Variants in PCDHA2 observed in about 807,000 individuals in gnomAD.
The protein encoded by PCDHA2 is protocadherin alpha 2.
In PCDHA2, 58 loss-of-function variants were observed where a neutral mutation model predicts 66.0. That is an observed-to-expected ratio of 0.88 (90% CI 0.71 to 1.09). The LOEUF is 1.09. PCDHA2 is among the 50% of genes least tolerant of loss of function. PCDHA2 has a pLI of 0.00. For missense variants in PCDHA2, 1,267 were observed against 1,242.3 expected, an observed-to-expected ratio of 1.02 and a Z score of -0.30; for synonymous variants, 634 against 554.0, an observed-to-expected ratio of 1.14 and a Z score of -2.03.
intron 1 of PCDHA2, chr5:140,877,318 G>A: frequency 6.2e-7 from 1 of 1,614,000 alleles, no homozygotes; most frequent in Non-Finnish European, 8.5e-7. Context: ...ACCGGCGGCG[G>A]TCGGCGCGCA....
rs189370080 is a variant in PCDHA2 at position 140,877,740 on chromosome 5, G to C, written c.2388+80388G>C. 2.8e-3 allele frequency: 4,494 copies of C among 1,614,198 alleles called. 21 individuals carry two copies. Among genetic ancestry groups the C allele is most frequent in the African/African-American group, 0.01 (782 of 75,064 alleles). On this transcript the variant is annotated intron_variant, in intron 1 of 3. Transcript: ENST00000526136. ...GGTCTTACTCGCAGCAGAGGAGGCA[G>C]AGGGTGTGCTCTGCAGAGAGCCCGC...
chr5:140,823,743 C>T (rs1554129577), intron 1 of PCDHA2: 13 of 1,613,718 alleles, frequency 8.1e-6, no homozygotes, highest in Non-Finnish European at 1.1e-5. Flanking sequence ...ATGGAGAGCC[C>T]CCGCTGACAG....
intron 1 of PCDHA2, among the ~76,000 whole-genome samples, chr5:140,948,267 A>G (rs964252489): frequency 1.3e-5 from 2 of 151,646 alleles, no homozygotes. Flanking sequence ...GTGTTCATGT[A>G]GAATATCTGT....
At position 141,009,850 on chromosome 5, in the gene PCDHA2, CAAGAAAAAG is replaced by C. The variant is rs782749911; in HGVS notation, c.2775_2783del (p.Lys926_Lys928del). 6.2e-6 allele frequency: 10 copies of C among 1,613,454 alleles called. No individual in the cohort carries two copies. The highest frequency in any genetic ancestry group is 1.7e-5 in the Admixed American group (1 of 59,950). ...TAACCTTCGGCAAAAAGGAGGAGAC[CAAGAAAAAG>C]AAGAAAAAGAAGAAGGGTAACAAGA... is the stretch of plus-strand genomic sequence containing the variant. On this transcript the variant is annotated inframe_deletion, in exon 4 of 4. Coordinates refer to ENST00000526136, the MANE Select transcript of PCDHA2 (RefSeq NM_018905.3).
At chr5:140,852,855 T>C in intron 1 of PCDHA2, 1 of 964,490 alleles carries the variant, frequency 1.0e-6, no homozygotes, top group Non-Finnish European at 1.3e-6. Flanking sequence ...TTACTAAGCA[T>C]TTACTATGTC....
intron 1 of PCDHA2, chr5:140,816,216 CTCTG>C (rs1765866048): frequency 6.6e-6 from 1 of 152,144 alleles, no homozygotes; most frequent in Non-Finnish European, 1.5e-5. Context: ...CTTTTTGCTA[CTCTG>C]TCTGGATAAT....
intron 1 of PCDHA2, chr5:140,864,136 T>C (rs2048335461): frequency 6.6e-6 from 1 of 152,238 alleles, no homozygotes; most frequent in African/African-American, 2.4e-5. Flanking sequence ...AGTGGCTGTT[T>C]CCTGTAAATG....
chr5:140,980,427 C>T (rs551274468), intron 2 of PCDHA2, among the ~76,000 whole-genome samples: 2 of 152,198 alleles, frequency 1.3e-5, no homozygotes, highest in South Asian at 2.1e-4. Flanking sequence ...GTCAAGAGAT[C>T]GAGACCATCC....
At chr5:140,927,598 T>G (rs2084398863) in intron 1 of PCDHA2, 1 of 1,614,046 alleles carries the variant, frequency 6.2e-7, no homozygotes, top group African/African-American at 1.3e-5. Flanking sequence ...ATTTGAGCGC[T>G]CCGTATACCG....
chr5:140,853,435 A>G lies in PCDHA2; in HGVS notation c.2388+56083A>G, dbSNP rs2150531946. ...GTGAAAGCAGAAGAGACACTTTCCTATTTTGCCTAATAGGTCTCCTTATAT... is the reference window on the plus strand; with the variant it reads ...GTGAAAGCAGAAGAGACACTTTCCTGTTTTGCCTAATAGGTCTCCTTATAT... On this transcript the variant is annotated intron_variant, in intron 1 of 3. Coordinates refer to ENST00000526136, the MANE Select transcript of PCDHA2 (RefSeq NM_018905.3). 6.1e-5 allele frequency: 60 copies of G among 984,096 alleles called. 8 individuals carry two copies. Among genetic ancestry groups the G allele is most frequent in the Non-Finnish European group, 6.7e-5 (55 of 816,498 alleles). The allele number at this position is 984,096 out of a possible 1,614,324, so 61.0% of individuals were successfully genotyped here.
chr5:140,903,884 A>C (rs1466107424), intron 1 of PCDHA2, among the ~76,000 whole-genome samples: 1 of 152,214 alleles, frequency 6.6e-6, no homozygotes, highest in Non-Finnish European at 1.5e-5. Context: ...AAGACATTGA[A>C]TCTTGACCTG....
intron 1 of PCDHA2, chr5:140,803,241 G>C (rs1296238860): frequency 6.2e-7 from 1 of 1,613,808 alleles, no homozygotes; most frequent in Admixed American, 1.7e-5. Flanking sequence ...CTCGTCCCAG[G>C]CGTCCGCTGG....
chr5:140,877,225 G>T, intron 1 of PCDHA2: 1 of 1,613,746 alleles, frequency 6.2e-7, no homozygotes, highest in South Asian at 1.1e-5. Context: ...ACCGCGGTCG[G>T]TGGGTGCGGG....
rs1422050863 is a variant in PCDHA2 at position 140,908,165 on chromosome 5, G to A, written c.2389-70784G>A. ...GTATGTCCTAGGAAGGGGCTGTAGT[G>A]CTGCAGCTGTCCACTTTCAGGTGGT... On this transcript the variant is annotated intron_variant, in intron 1 of 3. Coordinates refer to ENST00000526136, the MANE Select transcript of PCDHA2 (RefSeq NM_018905.3). 2.6e-5 allele frequency among the ~76,000 whole-genome samples: 4 copies of A among 152,222 alleles called. 1 individual carries two copies. The highest frequency in any genetic ancestry group is 5.9e-5 in the Non-Finnish European group (4 of 68,046).
chr5:140,809,288 A>G (rs781967550), intron 1 of PCDHA2: 2 of 1,614,070 alleles, frequency 1.2e-6, no homozygotes, highest in Non-Finnish European at 1.7e-6. Context: ...CGTATACCTG[A>G]TCATTGCCAT....
chr5:141,007,494 G>A (rs538537497), intron 3 of PCDHA2, among the ~76,000 whole-genome samples: 20 of 152,150 alleles, frequency 1.3e-4, no homozygotes, highest in African/African-American at 4.8e-4. Flanking sequence ...CTTGGACCTA[G>A]GAGGCAGAGA....
At position 140,850,706 on chromosome 5, in the gene PCDHA2, G is replaced by A. The variant is rs2150495171; in HGVS notation, c.2388+53354G>A. ...AGGGCGAGTGCGCGCCTGGCAAGCC[G>A]ACGCTGGTGTGTTCTAGCGCGGTGG... is the stretch of plus-strand genomic sequence containing the variant. On this transcript the variant is annotated intron_variant, in intron 1 of 3. Coordinates refer to ENST00000526136, the MANE Select transcript of PCDHA2 (RefSeq NM_018905.3). 7 of 1,598,146 alleles carry A rather than the reference G, an allele frequency of 4.4e-6. No individual in the cohort carries two copies. In the East Asian group the frequency reaches 1.3e-4, roughly 31 times the overall value.
chr5:140,905,231 A>G (rs2071692761), intron 1 of PCDHA2, among the ~76,000 whole-genome samples: 1 of 152,180 alleles, frequency 6.6e-6, no homozygotes, highest in African/African-American at 2.4e-5. Flanking sequence ...AGAGATGAGG[A>G]TCCAGTTTCA....
rs573341314 is a variant in PCDHA2 at position 140,807,798 on chromosome 5, A to C, written c.2388+10446A>C. 247 of 1,614,158 alleles carry C rather than the reference A, an allele frequency of 1.5e-4. 1 individual carries two copies. In the South Asian group the frequency reaches 2.7e-3, roughly 17 times the overall value. ...TTACGGAAATCTTTAGACAGAGAAG[A>C]AGCTCCGGAGATTTTTTTAGTGCTC... On this transcript the variant is annotated intron_variant, in intron 1 of 3. Coordinates refer to ENST00000526136, the MANE Select transcript of PCDHA2 (RefSeq NM_018905.3).
Sources: allele counts gnomAD v4.1 joint callset (sites outside exome capture counted in the v4.1 genomes callset), GRCh38; gene constraint gnomAD v4.1.1; transcripts MANE v1.5; gene names NCBI Gene and HGNC (gene_info 2026-07-23, HGNC 2026-07-21).